ATP8A2: variants seen among roughly 807,000 people sequenced by gnomAD.
ATP8A2 encodes the protein phospholipid-transporting ATPase IB.
ATP8A2 carries 100 observed loss-of-function variants against 165.6 expected under a neutral mutation model. The ratio of observed to expected loss-of-function variants is 0.60; its 90% CI spans 0.51 to 0.71. The LOEUF is 0.71. Among genes scored for constraint, ATP8A2 ranks in the 30% least tolerant of loss-of-function variants. The probability of loss-of-function intolerance (pLI) is 0.00; values close to 1 mark genes in which losing one functional copy is unlikely to be tolerated. For synonymous variants in ATP8A2, 543 were observed against 548.8 expected (o/e 0.99, Z 0.15); for missense variants, 1,227 against 1,479.5 (o/e 0.83, Z 2.80).
At chr13:25,645,253 A>C (rs2041640634) in intron 24 of ATP8A2, among the ~76,000 whole-genome samples, 2 of 152,168 alleles carry the variant, frequency 1.3e-5, no homozygotes, top group African/African-American at 2.4e-5. Context: ...TCCCCAGTAA[A>C]TGCATCAGAT....
At position 25,790,524 on chromosome 13, in the gene ATP8A2, GA is replaced by G. The variant is rs60293203; in HGVS notation, c.2679+15577del. The stretch of plus-strand genomic sequence containing the variant: ...AACATGGCAAAACCCTGTCTCTGTA[GA>G]AAAAAAAAAAAGTCCAAAAATTAGC... On this transcript the variant is annotated intron_variant, in intron 27 of 36. Coordinates refer to ENST00000381655, the MANE Select transcript of ATP8A2 (RefSeq NM_016529.6). Among the ~76,000 whole-genome samples the G allele has an allele frequency of 1.0e-3, 152 of 146,580 alleles. 2 individuals carry two copies. Among genetic ancestry groups the G allele is most frequent in the South Asian group, 3.0e-3 (14 of 4,606 alleles).
chr13:25,546,581 T>C (rs1487829182), intron 10 of ATP8A2, among the ~76,000 whole-genome samples: 1 of 151,940 alleles, frequency 6.6e-6, no homozygotes. Flanking sequence ...TCAGTTCATG[T>C]TTAGTTTACT....
intron 24 of ATP8A2, among the ~76,000 whole-genome samples, chr13:25,678,961 T>C (rs745960039): frequency 1.1e-4 from 16 of 152,186 alleles, no homozygotes; most frequent in Non-Finnish European, 1.2e-4. Context: ...TCAGTGAAGA[T>C]GTCTTTACAG....
At chr13:25,822,442 C>G (rs1951207668) in intron 27 of ATP8A2, among the ~76,000 whole-genome samples, 1 of 152,272 alleles carries the variant, frequency 6.6e-6, no homozygotes, top group African/African-American at 2.4e-5. Flanking sequence ...GTTGTTTCCC[C>G]AGTTTACCAA....
intron 25 of ATP8A2, among the ~76,000 whole-genome samples, chr13:25,765,175 C>A (rs1566116157): frequency 1.3e-5 from 2 of 152,152 alleles, no homozygotes; most frequent in African/African-American, 2.4e-5. Flanking sequence ...ACTTATTTTT[C>A]ATTTTAGAAT....
At chr13:25,531,262 GATATATATGAT>G (rs1194386202) in intron 4 of ATP8A2, among the ~76,000 whole-genome samples, 4 of 87,014 alleles carry the variant, frequency 4.6e-5, no homozygotes, top group East Asian at 4.6e-4. Flanking sequence ...TGATATATAT[GATATATATGAT>G]ATATATGTTA....
intron 1 of ATP8A2, among the ~76,000 whole-genome samples, chr13:25,389,834 T>A (rs1195419496): frequency 6.6e-6 from 1 of 152,194 alleles, no homozygotes; most frequent in African/African-American, 2.4e-5. Context: ...CAGTGAAAAG[T>A]AAGCGATGTC....
chr13:25,725,708 C>T (rs543292398), intron 25 of ATP8A2, among the ~76,000 whole-genome samples: 1 of 152,128 alleles, frequency 6.6e-6, no homozygotes, highest in Non-Finnish European at 1.5e-5. Context: ...ACATTCTGAC[C>T]CTGCCTTGTT....
chr13:25,728,943 C>T (rs2138072959), intron 25 of ATP8A2, among the ~76,000 whole-genome samples: 1 of 152,292 alleles, frequency 6.6e-6, no homozygotes, highest in Middle Eastern at 3.4e-3. Flanking sequence ...CCCTGTTTTT[C>T]AGATTGCAAA....
At chr13:25,561,348 G>A (rs895137249) in intron 15 of ATP8A2, among the ~76,000 whole-genome samples, 2 of 151,904 alleles carry the variant, frequency 1.3e-5, no homozygotes, top group East Asian at 3.9e-4. Context: ...TTTTGTTATC[G>A]TTCTGTCTCA....
rs371998464 is a variant in ATP8A2, at chr13:25,559,075, T to A, written c.1352+14T>A. ...AGTAACCTATGGGTCAGTGTGTTTA[T>A]CATTTACTGAAAATTTACTTGTATT... On this transcript the variant is annotated intron_variant, in intron 14 of 36. Transcript: ENST00000381655. 66 of 1,547,492 alleles carry A rather than the reference T, an allele frequency of 4.3e-5. No individual in the cohort carries two copies. The highest frequency in any genetic ancestry group is 5.4e-5 in the Non-Finnish European group (61 of 1,132,922).
intron 2 of ATP8A2, among the ~76,000 whole-genome samples, chr13:25,490,061 G>A (rs1352079738): frequency 2.6e-5 from 4 of 152,192 alleles, no homozygotes; most frequent in Non-Finnish European, 5.9e-5. Context: ...GTGGAATATC[G>A]AGGGCTCTGC....
At chr13:25,728,651 A>T (rs2043547608) in intron 25 of ATP8A2, among the ~76,000 whole-genome samples, 1 of 152,186 alleles carries the variant, frequency 6.6e-6, no homozygotes, top group African/African-American at 2.4e-5. Context: ...ATGGCTTCTA[A>T]AAACCGTGCA....
At chr13:25,913,353 G>GA (rs1483945438) in intron 33 of ATP8A2, among the ~76,000 whole-genome samples, 1 of 152,190 alleles carries the variant, frequency 6.6e-6, no homozygotes, top group African/African-American at 2.4e-5. Context: ...GAGCAAGTGA[G>GA]AAAAAAATAT....
intron 33 of ATP8A2, among the ~76,000 whole-genome samples, chr13:25,868,479 T>C (rs1339002811): frequency 6.6e-6 from 1 of 152,194 alleles, no homozygotes. Flanking sequence ...TCGTGACATC[T>C]TTTTGTACAG....
chr13:25,880,969 G>A (rs1382482892), intron 33 of ATP8A2: 1 of 456,430 alleles, frequency 2.2e-6, no homozygotes, highest in South Asian at 1.6e-5. Context: ...CTCTGTTGAA[G>A]CAGCCAAAGA....
At chr13:25,577,545 T>G (rs1358505044) in intron 20 of ATP8A2, among the ~76,000 whole-genome samples, 1 of 152,184 alleles carries the variant, frequency 6.6e-6, no homozygotes, top group African/African-American at 2.4e-5. Flanking sequence ...TTGTTATGTT[T>G]TTTTCTCATA....
chr13:25,530,129 C>A, intron 3 of ATP8A2, 31 bp downstream of exon 3: 2 of 1,297,676 alleles, frequency 1.5e-6, no homozygotes, highest in Non-Finnish European at 2.2e-6. Context: ...CCTTGGAATT[C>A]ACTTAATTAC....
rs762865964 is a variant in ATP8A2 at position 25,530,609 on chromosome 13, A to G, written c.369A>G (p.Pro123=). The G allele has an allele frequency of 4.8e-5, 76 of 1,594,930 alleles. No individual in the cohort carries two copies. The highest frequency in any genetic ancestry group is 6.5e-5 in the Non-Finnish European group (76 of 1,168,136). The change falls in exon 4 of 37, where the codon CCA becomes CCG. Residue 123 remains proline (P), a synonymous_variant. Transcript: ENST00000381655. ...SPTGRYTTLV[P]LIIILTIAGI... ...CAGGAAGATATACCACCCTGGTGCC[A>G]TTGATCATTATTTTAACAATTGCAG... is the stretch of plus-strand genomic sequence containing the variant.
Sources: gnomAD v4.1 joint callset for allele counts (sites outside exome capture counted in the v4.1 genomes callset) on GRCh38, gnomAD v4.1.1 for gene constraint, MANE v1.5 for transcripts, NCBI Gene and HGNC (gene_info 2026-07-23, HGNC 2026-07-21) for gene names.